The following CAMK1D variants were observed in gnomAD, a reference collection of about 807,000 sequenced individuals.
The protein encoded by CAMK1D is calcium/calmodulin dependent protein kinase ID, also known as calcium/calmodulin-dependent protein kinase type 1D.
CAMK1D carries 9 observed loss-of-function variants against 47.7 expected under a neutral mutation model. The ratio of observed to expected loss-of-function variants is 0.19; its 90% confidence interval spans 0.11 to 0.33. The LOEUF (loss-of-function observed/expected upper bound fraction) is 0.33, where lower values mean the gene tolerates loss of function less well. CAMK1D is among the 10% of genes least tolerant of loss of function. The probability of loss-of-function intolerance (pLI) is 1.00; values close to 1 mark genes in which losing one functional copy is unlikely to be tolerated. For missense variants in CAMK1D, 291 were observed against 488.7 expected (o/e 0.60, Z 3.81); for synonymous variants, 184 against 184.9 (o/e 0.99, Z 0.04).
intron 2 of CAMK1D, among the ~76,000 whole-genome samples, chr10:12,556,214 G>A (rs1256173412): frequency 6.6e-6 from 1 of 152,174 alleles, no homozygotes; most frequent in East Asian, 1.9e-4. Flanking sequence ...GCAGCTGAAA[G>A]CAAAGTCAAT....
At chr10:12,405,446 C>G (rs1224253745) in intron 1 of CAMK1D, among the ~76,000 whole-genome samples, 1 of 152,212 alleles carries the variant, frequency 6.6e-6, no homozygotes, top group Non-Finnish European at 1.5e-5. Context: ...AGTCCAGAGA[C>G]AGGCAGTGAA....
intron 2 of CAMK1D, among the ~76,000 whole-genome samples, chr10:12,605,357 T>TGTGG (rs1190122898): frequency 6.6e-6 from 1 of 151,534 alleles, no homozygotes; most frequent in African/African-American, 2.4e-5. Flanking sequence ...TGTGTGTGTG[T>TGTGG]GTGTGTGTGT....
intron 1 of CAMK1D, among the ~76,000 whole-genome samples, chr10:12,378,970 C>T (rs781579025): frequency 2.0e-5 from 3 of 152,060 alleles, no homozygotes; most frequent in Admixed American, 6.6e-5. Flanking sequence ...CCAGCATGCC[C>T]GGCTAATTTT....
chr10:12,808,858 T>C (rs1227490900), intron 6 of CAMK1D, among the ~76,000 whole-genome samples: 2 of 151,794 alleles, frequency 1.3e-5, no homozygotes, highest in Admixed American at 1.3e-4. Flanking sequence ...GGCTTATCCC[T>C]GTAATCCCAG....
chr10:12,715,841 C>A (rs1184808427), intron 3 of CAMK1D, among the ~76,000 whole-genome samples: 1 of 150,582 alleles, frequency 6.6e-6, no homozygotes, highest in African/African-American at 2.4e-5. Context: ...TCCCAAGTAG[C>A]TGGGATTACA....
intron 3 of CAMK1D, among the ~76,000 whole-genome samples, chr10:12,714,096 G>A (rs561757044): frequency 5.9e-5 from 9 of 152,280 alleles, no homozygotes; most frequent in South Asian, 4.1e-4. Context: ...CCATGGTCAC[G>A]GCATGTAGCC....
intron 1 of CAMK1D, among the ~76,000 whole-genome samples, chr10:12,524,427 AC>A (rs1835550231): frequency 6.6e-6 from 1 of 151,980 alleles, no homozygotes. Context: ...CATCATTTTG[AC>A]CAGGCGCGGT....
intron 1 of CAMK1D, among the ~76,000 whole-genome samples, chr10:12,391,182 C>G (rs1383358289): frequency 6.6e-6 from 1 of 152,134 alleles, no homozygotes; most frequent in Non-Finnish European, 1.5e-5. Flanking sequence ...TGCCTGGATT[C>G]TTGTTATTCT....
intron 1 of CAMK1D, among the ~76,000 whole-genome samples, chr10:12,433,334 G>C (rs1241996182): frequency 6.6e-6 from 1 of 152,028 alleles, no homozygotes; most frequent in Admixed American, 6.6e-5. Flanking sequence ...ACCAATGCCT[G>C]ATATCTTTCC....
intron 1 of CAMK1D, among the ~76,000 whole-genome samples, chr10:12,472,813 C>T (rs11257815): frequency 0.15 from 22,672 of 152,194 alleles, 1,886 homozygotes; most frequent in South Asian, 0.2. Context: ...TGAGCCACCG[C>T]GCCTGGCCTC....
chr10:12,422,817 C>T (rs1158306092), intron 1 of CAMK1D, among the ~76,000 whole-genome samples: 12 of 151,708 alleles, frequency 7.9e-5, no homozygotes, highest in South Asian at 4.2e-4. Flanking sequence ...GGATTACAGG[C>T]GCCTGCCACC....
chr10:12,671,354 T>A (rs1840611539), intron 3 of CAMK1D, among the ~76,000 whole-genome samples: 1 of 151,992 alleles, frequency 6.6e-6, no homozygotes, highest in Non-Finnish European at 1.5e-5. Flanking sequence ...CTCTTTTTTT[T>A]TTTTTAACAT....
At chr10:12,594,224 C>G in intron 2 of CAMK1D, among the ~76,000 whole-genome samples, 1 of 152,162 alleles carries the variant, frequency 6.6e-6, no homozygotes, top group East Asian at 1.9e-4. Context: ...ATCCACATTA[C>G]AGGGAGGAAC....
intron 2 of CAMK1D, among the ~76,000 whole-genome samples, chr10:12,623,050 TCCC>T (rs1839049055): frequency 3.4e-5 from 2 of 58,020 alleles, no homozygotes; most frequent in Middle Eastern, 6.6e-3. Flanking sequence ...CTTCCCTCCC[TCCC>T]TCCCTCCCTC....
At chr10:12,707,364 G>T (rs1302319634) in intron 3 of CAMK1D, among the ~76,000 whole-genome samples, 2 of 152,128 alleles carry the variant, frequency 1.3e-5, no homozygotes, top group Admixed American at 6.6e-5. Flanking sequence ...GTTGACTGGG[G>T]TAAAATGTGA....
intron 1 of CAMK1D, among the ~76,000 whole-genome samples, chr10:12,487,932 A>C (rs1834265253): frequency 6.6e-6 from 1 of 152,184 alleles, no homozygotes; most frequent in Non-Finnish European, 1.5e-5. Flanking sequence ...AGCCATGTTG[A>C]AATAAGCTTG....
In CAMK1D at chr10:12,468,525, T is replaced by C. The variant is rs1339538511; in HGVS notation, c.93-84700T>C. On this transcript the variant is annotated intron_variant, in intron 1 of 10. Coordinates refer to ENST00000619168, the MANE Select transcript of CAMK1D (RefSeq NM_153498.4). ...CAGAGGAGAGGTGAGTTTGGAATGA[T>C]TGGGGGTGTCCCTAGTAGGGGAGGA... is the stretch of plus-strand genomic sequence containing the variant. Among the ~76,000 whole-genome samples the C allele has an allele frequency of 2.6e-5, 4 of 152,240 alleles. No homozygotes were observed. In the East Asian group the frequency reaches 5.8e-4, roughly 22 times the overall value.
chr10:12,439,835 G>T (rs1026737638), intron 1 of CAMK1D, among the ~76,000 whole-genome samples: 5 of 152,242 alleles, frequency 3.3e-5, no homozygotes, highest in African/African-American at 1.2e-4. Context: ...TGGACTCACA[G>T]TTCCATGTGG....
At chr10:12,672,091 A>G (rs1840639262) in intron 3 of CAMK1D, among the ~76,000 whole-genome samples, 1 of 150,054 alleles carries the variant, frequency 6.7e-6, no homozygotes, top group African/African-American at 2.5e-5. Flanking sequence ...AATTTTTTGT[A>G]TTTTTAGTAG....
Sources: gnomAD v4.1 joint callset for allele counts (sites outside exome capture counted in the v4.1 genomes callset) on GRCh38, gnomAD v4.1.1 for gene constraint, MANE v1.5 for transcripts, NCBI Gene and HGNC (gene_info 2026-07-23, HGNC 2026-07-21) for gene names.